The following BST1 variants were observed in gnomAD, a reference collection of about 807,000 sequenced individuals.
BST1 encodes bone marrow stromal cell antigen 1.
Under a neutral mutation model 40.6 loss-of-function variants are expected in BST1, and 49 were observed. That is an observed-to-expected ratio of 1.21 (90% CI 0.96 to 1.53). The LOEUF (loss-of-function observed/expected upper bound fraction) is 1.53. Ranked by LOEUF, BST1 falls within the 40% of genes most tolerant of loss-of-function variation. The pLI, the probability that BST1 is intolerant of heterozygous loss-of-function variation, is 0.00. For synonymous variants in BST1, 157 were observed against 159.3 expected (o/e 0.99, Z 0.11); for missense variants, 423 against 395.9 (o/e 1.07, Z -0.58).
chr4:15,760,193 T>G, the BST1 span, among the ~76,000 whole-genome samples: 1 of 152,028 alleles, frequency 6.6e-6, no homozygotes, highest in Non-Finnish European at 1.5e-5. Context: ...ATGTTACTTC[T>G]TGTGACTAGC....
intron 7 of BST1, among the ~76,000 whole-genome samples, chr4:15,721,952 G>C (rs1720832200): frequency 6.6e-6 from 1 of 152,128 alleles, no homozygotes; most frequent in African/African-American, 2.4e-5. Flanking sequence ...CAGAGATCCT[G>C]TCTAGGCTTG....
chr4:15,752,578 C>G, the BST1 span, among the ~76,000 whole-genome samples: 2,140 of 151,738 alleles, frequency 0.014, 59 homozygotes, highest in African/African-American at 0.049. Flanking sequence ...AGTAGAGACA[C>G]GGTTTCTCCA....
chr4:15,749,130 C>A, the BST1 span, among the ~76,000 whole-genome samples: 53 of 152,254 alleles, frequency 3.5e-4, no homozygotes, highest in African/African-American at 1.3e-3. Context: ...TTCATTCCTG[C>A]CAGTCATTGG....
chr4:15,703,632 G>GTT (rs1412170112), intron 1 of BST1, among the ~76,000 whole-genome samples: 8 of 132,750 alleles, frequency 6.0e-5, no homozygotes, highest in Non-Finnish European at 1.1e-4. Flanking sequence ...GAGGTGAGGG[G>GTT]GGTGTGTGTG....
At chr4:15,768,898 A>G in the BST1 span, among the ~76,000 whole-genome samples, 1 of 152,220 alleles carries the variant, frequency 6.6e-6, no homozygotes. Context: ...TGTTTCCAGA[A>G]GTTCCCACTA....
chr4:15,770,048 C>T, the BST1 span, among the ~76,000 whole-genome samples: 2 of 152,138 alleles, frequency 1.3e-5, no homozygotes, highest in Non-Finnish European at 2.9e-5. Flanking sequence ...CCATGTTGGC[C>T]AGGCTGGTCT....
exon 7 of BST1, chr4:15,737,815 T>C: frequency 1.6e-6 from 2 of 1,286,540 alleles, no homozygotes; most frequent in Non-Finnish European, 1.0e-6. Flanking sequence ...ATGGGGAAGA[T>C]ACTGACTGTC....
At chr4:15,753,335 TTCA>T in the BST1 span, among the ~76,000 whole-genome samples, 1 of 152,232 alleles carries the variant, frequency 6.6e-6, no homozygotes, top group Admixed American at 6.5e-5. Context: ...GAGGGATTTT[TTCA>T]GATAAAGGCG....
chr4:15,720,861 G>A (rs922970744), intron 7 of BST1, among the ~76,000 whole-genome samples: 4 of 152,114 alleles, frequency 2.6e-5, no homozygotes, highest in African/African-American at 9.7e-5. Flanking sequence ...ACAACAAAAA[G>A]CTCAATGATG....
At chr4:15,725,672 C>G (rs753913840) in intron 8 of BST1, among the ~76,000 whole-genome samples, 1 of 152,152 alleles carries the variant, frequency 6.6e-6, no homozygotes, top group Non-Finnish European at 1.5e-5. Context: ...GATCCACTTC[C>G]CATAAGATAT....
chr4:15,723,063 C>T (rs982809374), intron 8 of BST1, 129 bp downstream of exon 8: 9 of 833,228 alleles, frequency 1.1e-5, no homozygotes, highest in African/African-American at 1.7e-5. Flanking sequence ...TCTGGTTTGG[C>T]CTTATTTTTA....
the BST1 span, among the ~76,000 whole-genome samples, chr4:15,764,812 C>A: frequency 6.6e-6 from 1 of 151,596 alleles, no homozygotes; most frequent in Non-Finnish European, 1.5e-5. Context: ...GTGATTGGCT[C>A]ATAAATGGGC....
the BST1 span, among the ~76,000 whole-genome samples, chr4:15,773,754 G>T: frequency 2.1e-4 from 32 of 152,296 alleles, no homozygotes; most frequent in Non-Finnish European, 4.1e-4. Flanking sequence ...CACGGGCTCA[G>T]CACTGCATCC....
intron 8 of BST1, among the ~76,000 whole-genome samples, chr4:15,730,327 C>G (rs1721307851): frequency 6.6e-6 from 1 of 152,200 alleles, no homozygotes; most frequent in Non-Finnish European, 1.5e-5. Context: ...AACCCAGTGG[C>G]CAGATACTGT....
At chr4:15,738,053 T>C in exon 7 of BST1, 1 of 299,006 alleles carries the variant, frequency 3.3e-6, no homozygotes, top group South Asian at 2.9e-5. Flanking sequence ...TGATTATATA[T>C]GTGTCCAAAC....
chr4:15,715,199 G>C (rs1720438057), intron 4 of BST1, 86 bp from the exon 5 acceptor site: 1 of 1,212,292 alleles, frequency 8.2e-7, no homozygotes, highest in Admixed American at 1.9e-5. Flanking sequence ...CCATTATTTA[G>C]AACTGACAAT....
At chr4:15,710,724 C>A (rs573248977) in intron 3 of BST1, among the ~76,000 whole-genome samples, 25 of 152,234 alleles carry the variant, frequency 1.6e-4, no homozygotes, top group African/African-American at 6.0e-4. Flanking sequence ...GACATAATGT[C>A]CTCCAGGTTC....
In BST1 at chr4:15,707,092, C is replaced by CAG. The variant is rs201180837; in HGVS notation, c.316-418_316-417dup. 3.3e-4 allele frequency among the ~76,000 whole-genome samples: 50 copies of CAG among 152,310 alleles called. No homozygotes were observed. In the East Asian group the frequency reaches 9.1e-3, roughly 28 times the overall value. ...TTGTGACTGCTTATTATCCTGGCCA[C>CAG]AGCTCTGGAAGAAGAGAAAGGGCTC... On this transcript the variant is annotated intron_variant, in intron 2 of 8. Transcript: ENST00000265016.
At chr4:15,736,205 C>G (rs1469475715), downstream of BST1, 1 of 1,106,216 alleles carries the variant, frequency 9.0e-7, no homozygotes, top group African/African-American at 1.6e-5. Flanking sequence ...CTCCTTCAGC[C>G]TAACTTCCAC....
Sources: gnomAD v4.1 joint callset for allele counts (sites outside exome capture counted in the v4.1 genomes callset) on GRCh38, gnomAD v4.1.1 for gene constraint, MANE v1.5 for transcripts, NCBI Gene and HGNC (gene_info 2026-07-23, HGNC 2026-07-21) for gene names.